Variants in SYCP1 observed in about 807,000 individuals in gnomAD.
SYCP1 encodes synaptonemal complex protein 1.
In SYCP1, 64 loss-of-function variants were observed where a neutral mutation model predicts 153.1. The observed-to-expected ratio is 0.42, with a 90% CI of 0.34 to 0.51. The LOEUF (loss-of-function observed/expected upper bound fraction) is 0.51. Ranked by LOEUF, SYCP1 falls within the 20% of genes least tolerant of loss-of-function variation. The pLI, the probability that SYCP1 is intolerant of heterozygous loss-of-function variation, is 0.06. For missense variants in SYCP1, 997 were observed against 1,049.0 expected (o/e 0.95, Z 0.68); for synonymous variants, 384 against 341.8 (o/e 1.12, Z -1.36).
intron 20 of SYCP1, among the ~76,000 whole-genome samples, chr1:114,921,646 CT>C (rs1294768757): frequency 8.7e-6 from 1 of 114,952 alleles, no homozygotes; most frequent in Non-Finnish European, 1.9e-5. Context: ...GAGACTCTGT[CT>C]CAAAAAAAAA....
intron 27 of SYCP1, among the ~76,000 whole-genome samples, chr1:114,954,783 G>A (rs942849602): frequency 6.6e-6 from 1 of 152,062 alleles, no homozygotes; most frequent in Non-Finnish European, 1.5e-5. Context: ...GTTTCACCAT[G>A]TTGTCCAGGA....
At chr1:114,915,008 G>C (rs1185131243) in intron 20 of SYCP1, among the ~76,000 whole-genome samples, 2 of 150,334 alleles carry the variant, frequency 1.3e-5, no homozygotes, top group Non-Finnish European at 3.0e-5. Context: ...CAGTTAATCA[G>C]AAAATGCCCC....
chr1:114,986,772 T>A (rs1327542833), intron 30 of SYCP1, among the ~76,000 whole-genome samples: 1 of 152,056 alleles, frequency 6.6e-6, no homozygotes, highest in African/African-American at 2.4e-5. Flanking sequence ...AAAAGTATAC[T>A]GGCAGAAACT....
At chr1:114,954,216 A>G (rs1346299885) in intron 27 of SYCP1, among the ~76,000 whole-genome samples, 2 of 152,174 alleles carry the variant, frequency 1.3e-5, no homozygotes, top group Admixed American at 1.3e-4. Context: ...TTTTGACGTG[A>G]GAACATTAAA....
intron 12 of SYCP1, 82 bp downstream of exon 12, chr1:114,878,284 T>C (rs360636): frequency 0.41 from 393,040 of 962,806 alleles, 82,372 homozygotes; most frequent in East Asian, 0.48. Context: ...ATTACAAGTT[T>C]GTTGTAATGC....
rs184070897 is a variant in SYCP1 at position 114,972,021 on chromosome 1, A to C, written c.2323-5536A>C. On this transcript the variant is annotated intron_variant, in intron 27 of 31. Transcript: ENST00000369522. ...TAATTCTTCTTTAAATGTTTGGTAA[A>C]ATTTTGCAGTAAAGCCATTGGGTCC... is the stretch of plus-strand genomic sequence containing the variant. 3.4e-3 allele frequency among the ~76,000 whole-genome samples: 510 copies of C among 152,072 alleles called. 5 individuals are homozygous for C. Among genetic ancestry groups the C allele is most frequent in the Non-Finnish European group, 4.3e-3 (289 of 67,990 alleles).
At chr1:114,880,288 C>T (rs1208555195) in intron 12 of SYCP1, among the ~76,000 whole-genome samples, 1 of 152,184 alleles carries the variant, frequency 6.6e-6, no homozygotes, top group Non-Finnish European at 1.5e-5. Context: ...TAAAAAATAA[C>T]ATCCCATTCC....
Position 114,995,132 on chromosome 1 carries a change from T to G in SYCP1, c.*113T>G, listed in dbSNP as rs1674198462. 1.9e-6 allele frequency: 2 copies of G among 1,030,122 alleles called. No individual in the cohort carries two copies. The highest frequency in any genetic ancestry group is 1.6e-5 in the African/African-American group (1 of 61,386). 63.8% of individuals were successfully genotyped at this position (1,030,122 alleles called of 1,614,324 possible). ...CTGGAAGTTGAGACTTAAAAAATAC[T>G]TGCATGAATGATTTGTGTTTCTTTA... is the stretch of plus-strand genomic sequence containing the variant. On this transcript the variant is annotated 3_prime_UTR_variant, in exon 32 of 32. Transcript: ENST00000369522.
At chr1:114,861,261 T>A (rs1005174234) in intron 8 of SYCP1, among the ~76,000 whole-genome samples, 1 of 152,180 alleles carries the variant, frequency 6.6e-6, no homozygotes, top group Admixed American at 6.5e-5. Flanking sequence ...TTTTAAAATA[T>A]TCTAATATGG....
chr1:114,978,930 T>G (rs1370775999), intron 28 of SYCP1, among the ~76,000 whole-genome samples: 1 of 151,698 alleles, frequency 6.6e-6, no homozygotes, highest in African/African-American at 2.4e-5. Context: ...TTTTTTAAAT[T>G]TAGAATGTCT....
At chr1:114,886,070 T>C (rs1391038623) in intron 13 of SYCP1, 55 bp from the exon 14 acceptor site, 2 of 1,253,152 alleles carry the variant, frequency 1.6e-6, no homozygotes, top group African/African-American at 3.1e-5. Flanking sequence ...AAGTTCAGCT[T>C]TTTTGGTTAA....
chr1:114,877,407 A>G (rs1372180665), intron 11 of SYCP1, among the ~76,000 whole-genome samples: 3 of 152,240 alleles, frequency 2.0e-5, no homozygotes, highest in Middle Eastern at 3.2e-3. Context: ...AGCAATATAT[A>G]TAATAGAATC....
rs555739532 is a variant in SYCP1 at position 114,877,202 on chromosome 1, A to T, written c.801+392A>T. ...CTATTCATAATATCAATGAAGAGGAACTAAAATATTCTGTTGCATCTTTCT... is the reference window on the plus strand; with the variant it reads ...CTATTCATAATATCAATGAAGAGGATCTAAAATATTCTGTTGCATCTTTCT... On this transcript the variant is annotated intron_variant, in intron 11 of 31. Coordinates refer to ENST00000369522, the MANE Select transcript of SYCP1 (RefSeq NM_003176.4). Among the ~76,000 whole-genome samples, 11 of 152,270 alleles carry T rather than the reference A, an allele frequency of 7.2e-5. No individual in the cohort carries two copies. The East Asian group carries it at 2.1e-3, about 29-fold the overall frequency.
intron 8 of SYCP1, among the ~76,000 whole-genome samples, chr1:114,864,021 A>G (rs931069320): frequency 2.0e-5 from 3 of 151,386 alleles, no homozygotes; most frequent in Non-Finnish European, 4.4e-5. Flanking sequence ...TACCTAATGC[A>G]GGTGGGGCTT....
chr1:114,946,677 A>C (rs1262984791), intron 26 of SYCP1, among the ~76,000 whole-genome samples: 1 of 152,034 alleles, frequency 6.6e-6, no homozygotes, highest in African/African-American at 2.4e-5. Context: ...ACGAGGAGAG[A>C]TATACTTTGT....
chr1:114,891,032 C>G (rs1303407055), intron 15 of SYCP1, among the ~76,000 whole-genome samples: 1 of 152,072 alleles, frequency 6.6e-6, no homozygotes, highest in South Asian at 2.1e-4. Flanking sequence ...TATTCATCCC[C>G]CCTTGCTATA....
At chr1:114,987,427 G>A (rs1314786615) in intron 30 of SYCP1, among the ~76,000 whole-genome samples, 1 of 152,006 alleles carries the variant, frequency 6.6e-6, no homozygotes, top group African/African-American at 2.4e-5. Flanking sequence ...ACCACTTTGG[G>A]AGGCCAAGGT....
chr1:114,911,372 C>T (rs1440303182), intron 17 of SYCP1, 107 bp from the exon 18 acceptor site: 1 of 592,726 alleles, frequency 1.7e-6, no homozygotes, highest in Non-Finnish European at 2.8e-6. Context: ...TTTGACATAA[C>T]CTGCCAAATT....
At chr1:114,854,754 G>A (rs959051991), upstream of SYCP1, 3 of 152,152 alleles carry the variant, frequency 2.0e-5, no homozygotes, top group East Asian at 5.8e-4. Flanking sequence ...TACAGAATCC[G>A]GGAAACAATT....
Sources: gnomAD v4.1 joint callset for allele counts (sites outside exome capture counted in the v4.1 genomes callset) on GRCh38, gnomAD v4.1.1 for gene constraint, MANE v1.5 for transcripts, NCBI Gene and HGNC (gene_info 2026-07-23, HGNC 2026-07-21) for gene names.